The following NTM variants were observed in gnomAD, a reference collection of about 807,000 sequenced individuals.
NTM encodes the protein neurotrimin, also known as IgLON family member 2.
In NTM, 13 loss-of-function variants were observed where a neutral mutation model predicts 42.1. That is an observed-to-expected ratio of 0.31 (90% CI 0.20 to 0.49). NTM has a LOEUF of 0.49. NTM is among the 20% of genes least tolerant of loss of function. The probability of loss-of-function intolerance (pLI) is 0.99; values close to 1 mark genes in which losing one functional copy is unlikely to be tolerated. For synonymous variants in NTM, 187 were observed against 179.2 expected (o/e 1.04, Z -0.35); for missense variants, 373 against 452.8 (o/e 0.82, Z 1.60).
At chr11:132,207,387 C>T (rs916701353) in intron 3 of NTM, among the ~76,000 whole-genome samples, 1 of 152,138 alleles carries the variant, frequency 6.6e-6, no homozygotes, top group East Asian at 1.9e-4. Flanking sequence ...GTCACTATCT[C>T]CCATCACCCC....
intron 1 of NTM, among the ~76,000 whole-genome samples, chr11:131,881,877 C>G (rs951341106): frequency 7.9e-5 from 12 of 152,306 alleles, no homozygotes; most frequent in African/African-American, 2.6e-4. Context: ...CAAGTACAGG[C>G]ACAGCACTTG....
intron 2 of NTM, among the ~76,000 whole-genome samples, chr11:131,911,984 AG>A (rs1397997658): frequency 6.7e-6 from 1 of 148,414 alleles, no homozygotes; most frequent in Middle Eastern, 3.2e-3. Flanking sequence ...CCGTGGTGAC[AG>A]GGGGCTTGGA....
chr11:131,798,844 T>C (rs1159684301), intron 1 of NTM, among the ~76,000 whole-genome samples: 1 of 152,230 alleles, frequency 6.6e-6, no homozygotes, highest in African/African-American at 2.4e-5. Flanking sequence ...ATTTAGGTGC[T>C]TTCAGGAAGC....
At chr11:131,660,714 G>A (rs967929789) in intron 1 of NTM, 12 of 438,584 alleles carry the variant, frequency 2.7e-5, no homozygotes, top group Non-Finnish European at 4.8e-5. Flanking sequence ...GAAGAGGGAC[G>A]GAGGAGGCAA....
chr11:131,893,928 T>C (rs1341834678), intron 1 of NTM, among the ~76,000 whole-genome samples: 4 of 152,188 alleles, frequency 2.6e-5, no homozygotes, highest in Non-Finnish European at 1.5e-5. Flanking sequence ...ATGTTTCTTT[T>C]TGATGAGGAG....
chr11:131,806,662 G>C (rs1229344971), intron 1 of NTM, among the ~76,000 whole-genome samples: 5 of 152,128 alleles, frequency 3.3e-5, no homozygotes, highest in Non-Finnish European at 7.4e-5. Flanking sequence ...GGCAGAGCGA[G>C]GAGTGGTTCC....
intron 1 of NTM, among the ~76,000 whole-genome samples, chr11:131,381,332 T>C (rs116589222): frequency 6.6e-6 from 1 of 152,322 alleles, no homozygotes; most frequent in East Asian, 1.9e-4. Context: ...ACTTTCTTCC[T>C]GAACAGTCAA....
intron 2 of NTM, among the ~76,000 whole-genome samples, chr11:131,977,855 C>G (rs549316883): frequency 2.0e-5 from 3 of 152,166 alleles, no homozygotes; most frequent in Non-Finnish European, 4.4e-5. Flanking sequence ...TACAATGACT[C>G]TTTATGTGGC....
chr11:131,517,071 C>T (rs953836483), intron 1 of NTM, among the ~76,000 whole-genome samples: 3 of 152,194 alleles, frequency 2.0e-5, no homozygotes, highest in Admixed American at 6.5e-5. Flanking sequence ...ACTGGGAAGT[C>T]TTTCCCAGTT....
rs1348766395 is a variant in NTM at position 131,370,664 on chromosome 11, C to T, written c.-143C>T. The T allele has an allele frequency of 7.5e-6, 5 of 664,402 alleles. No individual in the cohort carries two copies. Among genetic ancestry groups the T allele is most frequent in the African/African-American group, 7.3e-5 (4 of 55,110 alleles). 41.2% of individuals were successfully genotyped at this position (664,402 alleles called of 1,614,324 possible). Reference sequence around the variant, plus strand: ...GAGAAGTCATACTCTCTCACACCCTCGGCTTTCTTGTTGTGTCCTTCAGCA... The same window carrying T: ...GAGAAGTCATACTCTCTCACACCCTTGGCTTTCTTGTTGTGTCCTTCAGCA... On this transcript the variant is annotated 5_prime_UTR_variant, in exon 1 of 9. Transcript: ENST00000683400.
At chr11:131,570,316 G>C (rs1445858950) in intron 1 of NTM, among the ~76,000 whole-genome samples, 1 of 152,160 alleles carries the variant, frequency 6.6e-6, no homozygotes, top group African/African-American at 2.4e-5. Flanking sequence ...CTGTCCTCTA[G>C]TAATACTCCT....
intron 3 of NTM, among the ~76,000 whole-genome samples, chr11:132,162,513 G>T (rs150667675): frequency 2.6e-3 from 387 of 146,178 alleles, no homozygotes; most frequent in African/African-American, 9.3e-3. Context: ...GTGTGAGTGT[G>T]TGTGTTTGTG....
intron 1 of NTM, among the ~76,000 whole-genome samples, chr11:131,552,267 C>T (rs1200614576): frequency 9.2e-5 from 14 of 152,286 alleles, no homozygotes; most frequent in Admixed American, 2.0e-4. Flanking sequence ...GTAAGTATCA[C>T]GCACGGCTGG....
At position 132,146,646 on chromosome 11, in the gene NTM, C is replaced by A. The variant is rs2070482075; in HGVS notation, c.400+132C>A. The A allele has an allele frequency of 2.2e-6, 2 of 911,828 alleles. No individual in the cohort carries two copies. Among genetic ancestry groups the A allele is most frequent in the African/African-American group, 1.7e-5 (1 of 59,606 alleles). 56.5% of individuals were successfully genotyped at this position (911,828 alleles called of 1,614,324 possible). A position where few individuals can be genotyped will look rare whatever the true frequency, so the allele number is the denominator to read the frequency against. On this transcript the variant is annotated intron_variant, in intron 3 of 8. Coordinates refer to ENST00000683400, the MANE Select transcript of NTM (RefSeq NM_001352005.2). This position sits in a 1 kb window ranked among gnomAD's most constrained non-coding sequence, Gnocchi z 4.5. ...CGCATCTGGGGTCCAGGGCACATTT[C>A]TGGTTGTCATTTTGCAGTTAGAAGC...
intron 1 of NTM, among the ~76,000 whole-genome samples, chr11:131,857,730 C>A (rs940065526): frequency 6.6e-6 from 1 of 152,142 alleles, no homozygotes; most frequent in Non-Finnish European, 1.5e-5. Flanking sequence ...ATTGCTAAAG[C>A]CTTAATCCTG....
chr11:131,680,468 CCT>C (rs1491314225), intron 1 of NTM, among the ~76,000 whole-genome samples: 10 of 109,946 alleles, frequency 9.1e-5, no homozygotes, highest in Admixed American at 5.1e-4. Context: ...TCTGTGAGTG[CCT>C]GTGTGTGTGC....
intron 1 of NTM, chr11:131,539,738 C>T (rs1428494877): frequency 6.6e-6 from 1 of 152,668 alleles, no homozygotes; most frequent in African/African-American, 2.4e-5. Context: ...GTGGACTTAC[C>T]AGCAGGAGAG....
intron 3 of NTM, among the ~76,000 whole-genome samples, chr11:132,204,559 A>G (rs2062259480): frequency 6.6e-6 from 1 of 152,160 alleles, no homozygotes; most frequent in South Asian, 2.1e-4. Context: ...ATAATTAGAC[A>G]GAACCAATGT....
At chr11:132,219,528 A>G (rs2084667212) in intron 4 of NTM, among the ~76,000 whole-genome samples, 1 of 151,720 alleles carries the variant, frequency 6.6e-6, no homozygotes, top group Admixed American at 6.6e-5. Context: ...TTATATTATT[A>G]AAGGTAATAT....
Sources: allele counts gnomAD v4.1 joint callset (sites outside exome capture counted in the v4.1 genomes callset), GRCh38; gene constraint gnomAD v4.1.1; non-coding constraint Gnocchi (gnomAD v3.1); transcripts MANE v1.5; gene names NCBI Gene and HGNC (gene_info 2026-07-23, HGNC 2026-07-21).